The following CHD2 variants were observed in gnomAD, a reference collection of about 807,000 sequenced individuals.
CHD2 encodes ATP-dependent chromatin remodeler CHD2.
Under a neutral mutation model 243.9 loss-of-function variants are expected in CHD2, and 28 were observed. The observed-to-expected ratio is 0.11, with a 90% confidence interval of 0.09 to 0.16. The LOEUF is 0.16. Among genes scored for constraint, CHD2 ranks in the 10% least tolerant of loss-of-function variants. The pLI, the probability that CHD2 is intolerant of heterozygous loss-of-function variation, is 1.00. For synonymous variants in CHD2, 775 were observed against 779.0 expected (o/e 0.99, Z 0.09); for missense variants, 1,386 against 2,209.8 (o/e 0.63, Z 7.47).
chr15:92,974,810 G>A, intron 19 of CHD2, 69 bp from the exon 20 acceptor site: 1 of 1,425,268 alleles, frequency 7.0e-7, no homozygotes, highest in Non-Finnish European at 9.9e-7. Flanking sequence ...AAGGTTCCAA[G>A]TCTGCTGTTC....
At chr15:92,987,935 T>C (rs1220423496) in intron 26 of CHD2, among the ~76,000 whole-genome samples, 1 of 152,164 alleles carries the variant, frequency 6.6e-6, no homozygotes, top group African/African-American at 2.4e-5. Flanking sequence ...TGAATTAACA[T>C]CAATTTAATT....
chr15:93,013,605 A>C (rs2054419591), intron 36 of CHD2, among the ~76,000 whole-genome samples: 1 of 152,232 alleles, frequency 6.6e-6, no homozygotes, highest in Non-Finnish European at 1.5e-5. Flanking sequence ...AAACATGTTT[A>C]TAATGGAAAT....
intron 2 of CHD2, among the ~76,000 whole-genome samples, chr15:92,918,141 C>T (rs1406714): frequency 6.6e-6 from 1 of 151,982 alleles, no homozygotes; most frequent in African/African-American, 2.4e-5. Context: ...TTTGGGAAAC[C>T]GCGATTAAAA....
At chr15:92,951,049 T>A (rs1489854553) in intron 13 of CHD2, among the ~76,000 whole-genome samples, 1 of 152,228 alleles carries the variant, frequency 6.6e-6, no homozygotes, top group African/African-American at 2.4e-5. Flanking sequence ...TAGATGAACT[T>A]TAATTGTGAT....
chr15:92,943,168 AT>A (rs1269221862), intron 9 of CHD2, 100 bp downstream of exon 9: 2 of 959,976 alleles, frequency 2.1e-6, no homozygotes, highest in Non-Finnish European at 3.1e-6. Context: ...AGAATCTCAG[AT>A]TTTGCTTTGA....
At chr15:93,003,577 C>CT (rs777417349) in intron 33 of CHD2, among the ~76,000 whole-genome samples, 5,297 of 128,226 alleles carry the variant, frequency 0.041, 174 homozygotes, top group South Asian at 0.13. Context: ...CTTTAAGTGG[C>CT]TTTTTTTTTT....
chr15:92,982,717 A>G (rs1165427161), intron 24 of CHD2, among the ~76,000 whole-genome samples: 1 of 152,108 alleles, frequency 6.6e-6, no homozygotes. Context: ...GAAGGAAGCA[A>G]TATTGTGTGA....
chr15:92,968,174 T>A (rs917734859), intron 17 of CHD2, among the ~76,000 whole-genome samples: 9 of 152,198 alleles, frequency 5.9e-5, no homozygotes, highest in African/African-American at 1.9e-4. Flanking sequence ...GAATTTATGT[T>A]TTGTAGACTT....
chr15:92,990,029 C>T (rs934015902), intron 26 of CHD2, among the ~76,000 whole-genome samples: 1 of 152,192 alleles, frequency 6.6e-6, no homozygotes, highest in Admixed American at 6.5e-5. Context: ...AATGTTGCCT[C>T]AGGCCGTCAT....
At chr15:92,957,665 A>G (rs1446170261) in intron 16 of CHD2, among the ~76,000 whole-genome samples, 1 of 150,760 alleles carries the variant, frequency 6.6e-6, no homozygotes, top group African/African-American at 2.4e-5. Flanking sequence ...TTTTTTTTTA[A>G]TTCAGGATTA....
intron 27 of CHD2, chr15:92,991,746 G>A (rs553768857): frequency 8.4e-5 from 34 of 404,114 alleles, no homozygotes; most frequent in Non-Finnish European, 1.2e-4. Flanking sequence ...TTTCACCTTC[G>A]TGAGGGAGAT....
At chr15:92,919,355 A>C (rs986655943) in intron 2 of CHD2, among the ~76,000 whole-genome samples, 2 of 150,758 alleles carry the variant, frequency 1.3e-5, no homozygotes, top group African/African-American at 4.9e-5. Context: ...ACTTGTATTC[A>C]GTCTTACATC....
At chr15:92,965,147 T>C (rs1456159283) in intron 16 of CHD2, 3 of 152,242 alleles carry the variant, frequency 2.0e-5, no homozygotes, top group Non-Finnish European at 4.4e-5. Flanking sequence ...ATCTAAAATA[T>C]GAATCTTTAG....
rs201999332 is a variant in CHD2, at chr15:92,940,958, TATATAA to T, written c.693-840_693-835del. On this transcript the variant is annotated intron_variant, in intron 7 of 38. Coordinates refer to ENST00000394196, the MANE Select transcript of CHD2 (RefSeq NM_001271.4). ...TATAAAATATATATAAATATAAATA[TATATAA>T]ATATAAATATAAATATAAATATATA... is the stretch of plus-strand genomic sequence containing the variant. 7.7e-3 allele frequency among the ~76,000 whole-genome samples: 986 copies of T among 128,712 alleles called. 8 individuals carry two copies. Among genetic ancestry groups the T allele is most frequent in the African/African-American group, 0.018 (603 of 33,838 alleles). 84.4% of individuals were successfully genotyped at this position (128,712 alleles called of 152,430 possible). A position where few individuals can be genotyped will look rare whatever the true frequency, so the allele number is the denominator to read the frequency against.
intron 2 of CHD2, among the ~76,000 whole-genome samples, chr15:92,905,335 G>C (rs898635432): frequency 6.6e-6 from 1 of 152,140 alleles, no homozygotes; most frequent in African/African-American, 2.4e-5. Context: ...CCTTTACAAG[G>C]ATTTCTGGTT....
chr15:92,970,722 G>C (rs1267170796), intron 17 of CHD2, among the ~76,000 whole-genome samples: 1 of 152,122 alleles, frequency 6.6e-6, no homozygotes, highest in Non-Finnish European at 1.5e-5. Flanking sequence ...ATGATGCATA[G>C]TGTTCCATTG....
intron 26 of CHD2, among the ~76,000 whole-genome samples, chr15:92,988,884 C>T (rs1596441085): frequency 6.6e-6 from 1 of 151,832 alleles, no homozygotes; most frequent in East Asian, 1.9e-4. Context: ...CTTTTTAATT[C>T]TCTAGGCAGA....
intron 31 of CHD2, among the ~76,000 whole-genome samples, chr15:92,999,484 G>A (rs1359933087): frequency 6.6e-6 from 1 of 152,144 alleles, no homozygotes; most frequent in Non-Finnish European, 1.5e-5. Flanking sequence ...TTTCAGTTCA[G>A]GCCCAGAAAG....
intron 2 of CHD2, chr15:92,905,019 G>A (rs774580465): frequency 1.3e-6 from 2 of 1,532,300 alleles, no homozygotes; most frequent in Non-Finnish European, 1.7e-6. Flanking sequence ...GTCAGTATGT[G>A]CTAAGTACTA....
Sources: allele counts gnomAD v4.1 joint callset (sites outside exome capture counted in the v4.1 genomes callset), GRCh38; gene constraint gnomAD v4.1.1; transcripts MANE v1.5; gene names NCBI Gene and HGNC (gene_info 2026-07-23, HGNC 2026-07-21).